Variants in NEK10 observed in about 807,000 individuals in gnomAD.
NEK10 encodes serine/threonine-protein kinase Nek10.
Under a neutral mutation model 159.8 loss-of-function variants are expected in NEK10, and 122 were observed. That is an observed-to-expected ratio of 0.76 (90% CI 0.66 to 0.89). The LOEUF is 0.89. Among genes scored for constraint, NEK10 ranks in the 40% least tolerant of loss-of-function variants. NEK10 has a pLI of 0.00. For missense variants in NEK10, 1,342 were observed against 1,323.1 expected (o/e 1.01, Z -0.22); for synonymous variants, 466 against 457.1 (o/e 1.02, Z -0.25).
At chr3:27,141,441 G>T in intron 31 of NEK10, 41 bp downstream of exon 31, 3 of 1,448,224 alleles carry the variant, frequency 2.1e-6, no homozygotes, top group Non-Finnish European at 2.9e-6. Flanking sequence ...CACCAAACTT[G>T]CATTTAAGAT....
At position 27,346,146 on chromosome 3, in the gene NEK10, C is replaced by A; in HGVS notation, c.203G>T (p.Gly68Val). Residue 68 changes from glycine (G) to valine (V), a missense_variant, in exon 4 of 36, where the codon GGA (glycine) becomes GTA (valine). Physicochemically the swap from Gly to Val is moderately radical, Grantham distance 109 (BLOSUM62 -3). Transcript: ENST00000691995. ...ATGCCACTGACCCCGAGCTCTGTGTCCACCCGCCCTGATGGCGGGCTCAGA... is the reference window on the plus strand; with the variant it reads ...ATGCCACTGACCCCGAGCTCTGTGTACACCCGCCCTGATGGCGGGCTCAGA... ...TKSEPAIRAG[G>V]HRARGQWHES... is the part of the protein sequence containing the mutation. The A allele has an allele frequency of 6.2e-7, 1 of 1,613,712 alleles. No homozygotes were observed. Among genetic ancestry groups the A allele is most frequent in the Non-Finnish European group, 8.5e-7 (1 of 1,179,668 alleles).
At chr3:27,266,865 G>T (rs2040937795) in intron 22 of NEK10, among the ~76,000 whole-genome samples, 1 of 152,206 alleles carries the variant, frequency 6.6e-6, no homozygotes, top group Non-Finnish European at 1.5e-5. Flanking sequence ...TGTGCAGGAT[G>T]CTTAGTGGTG....
intron 25 of NEK10, among the ~76,000 whole-genome samples, chr3:27,197,185 ATTTT>A (rs1949633846): frequency 1.3e-5 from 2 of 151,878 alleles, no homozygotes; most frequent in South Asian, 4.2e-4. Flanking sequence ...ATTTAAAAAA[ATTTT>A]TTTGAGATGG....
chr3:27,243,400 A>T (rs1954751078), intron 23 of NEK10, among the ~76,000 whole-genome samples: 1 of 148,264 alleles, frequency 6.7e-6, no homozygotes, highest in Non-Finnish European at 1.5e-5. Flanking sequence ...TGTTTATTTA[A>T]TTCTTTTGCC....
intron 30 of NEK10, among the ~76,000 whole-genome samples, chr3:27,145,533 T>C (rs1310509825): frequency 6.6e-6 from 1 of 152,204 alleles, no homozygotes; most frequent in Admixed American, 6.5e-5. Context: ...AGCATGACGC[T>C]AAAGAGCTAT....
intron 23 of NEK10, among the ~76,000 whole-genome samples, chr3:27,219,502 T>C (rs542732340): frequency 1.3e-5 from 2 of 152,358 alleles, no homozygotes; most frequent in Admixed American, 6.5e-5. Flanking sequence ...TTTCTGTCTT[T>C]TCTATCTCTT....
chr3:27,286,845 A>G (rs941286233), intron 20 of NEK10, among the ~76,000 whole-genome samples: 3 of 152,134 alleles, frequency 2.0e-5, no homozygotes, highest in Non-Finnish European at 2.9e-5. Context: ...TTTAATATCA[A>G]GAACAAATGG....
At position 27,108,435 on chromosome 3, in the gene NEK10, A is replaced by C. The variant is rs1939201533; in HGVS notation, c.*2837T>G. 6.6e-6 allele frequency among the ~76,000 whole-genome samples: 1 copy of C among 152,228 alleles called. No homozygotes were observed. The highest frequency in any genetic ancestry group is 1.5e-5 in the Non-Finnish European group (1 of 68,032). ...GCAGTCACTTCCCTGAGAATGAAACATTTTGCTTTTAAAAAGCAAATTAAG... is the reference window on the plus strand; with the variant it reads ...GCAGTCACTTCCCTGAGAATGAAACCTTTTGCTTTTAAAAAGCAAATTAAG... On this transcript the variant is annotated 3_prime_UTR_variant, in exon 36 of 36. Transcript: ENST00000691995.
Position 27,352,830 on chromosome 3 carries a change from T to C in NEK10, c.53A>G (p.Gln18Arg), listed in dbSNP as rs757976633. ...VKTTEKSTDKQQEITIRDYSD... is the reference protein window; with the variant it reads ...VKTTEKSTDKRQEITIRDYSD... ...GAGTTACCTGATGGTGATTTCTTGC[T>C]GTTTATCAGTTGATTTTTCTGTGGT... The change falls in exon 2 of 36, where the codon CAG (glutamine) becomes CGG (arginine). Residue 18 changes from glutamine to arginine, a missense_variant. Transcript: ENST00000691995. The C allele has an allele frequency of 7.5e-6, 12 of 1,610,110 alleles. No individual in the cohort carries two copies. The Middle Eastern group carries it at 1.5e-3, about 200-fold the overall frequency.
chr3:27,159,938 C>T (rs186393634), intron 30 of NEK10, among the ~76,000 whole-genome samples: 1 of 150,846 alleles, frequency 6.6e-6, no homozygotes, highest in Admixed American at 6.7e-5. Context: ...AGATATATTC[C>T]TGGGGAAATG....
At chr3:27,222,692 G>A (rs982893271) in intron 23 of NEK10, among the ~76,000 whole-genome samples, 16 of 152,004 alleles carry the variant, frequency 1.1e-4, no homozygotes, top group Admixed American at 6.6e-5. Flanking sequence ...TAAGCAGAGA[G>A]CTATAAAAAT....
chr3:27,337,680 C>T (rs1248574127), intron 5 of NEK10, among the ~76,000 whole-genome samples: 1 of 152,046 alleles, frequency 6.6e-6, no homozygotes, highest in East Asian at 1.9e-4. Context: ...AACAAAGGCA[C>T]CAAGAATATT....
intron 29 of NEK10, among the ~76,000 whole-genome samples, chr3:27,169,007 A>G (rs1253378026): frequency 2.0e-5 from 3 of 152,196 alleles, no homozygotes. Flanking sequence ...GATATAGACC[A>G]TATGGGGTTT....
chr3:27,151,502 A>G (rs1018212688), intron 30 of NEK10, among the ~76,000 whole-genome samples: 1 of 152,176 alleles, frequency 6.6e-6, no homozygotes, highest in Non-Finnish European at 1.5e-5. Context: ...AAGAATCTCA[A>G]CAACAGCCTT....
intron 30 of NEK10, among the ~76,000 whole-genome samples, chr3:27,146,786 G>A (rs996718075): frequency 2.0e-5 from 3 of 152,156 alleles, no homozygotes; most frequent in Admixed American, 6.5e-5. Flanking sequence ...CGATAGCACA[G>A]GAAATGTATT....
chr3:27,226,166 G>C (rs1952618426), intron 23 of NEK10, among the ~76,000 whole-genome samples: 1 of 151,224 alleles, frequency 6.6e-6, no homozygotes, highest in Non-Finnish European at 1.5e-5. Context: ...GGAGTAGCTA[G>C]GACTACAGGC....
intron 35 of NEK10, among the ~76,000 whole-genome samples, chr3:27,114,705 G>T (rs1026904271): frequency 6.6e-6 from 1 of 152,134 alleles, no homozygotes; most frequent in African/African-American, 2.4e-5. Context: ...AATTTAAATA[G>T]TGGTCACAAA....
chr3:27,130,203 G>A (rs1381299335), intron 32 of NEK10, among the ~76,000 whole-genome samples: 2 of 152,152 alleles, frequency 1.3e-5, no homozygotes, highest in Non-Finnish European at 2.9e-5. Context: ...AGAGAACCAT[G>A]GCAGTCTTTA....
rs2042467671 is a variant in NEK10 at position 27,284,965 on chromosome 3, T to C, written c.1790-4A>G. 5.7e-6 allele frequency: 9 copies of C among 1,579,096 alleles called. No individual in the cohort carries two copies. The highest frequency in any genetic ancestry group is 1.4e-5 in the African/African-American group (1 of 72,888). ...ATAACTATGTACAACCTATCATCTA[T>C]ATAAATATCACAAAAGGTCACAGAA... On this transcript the variant is annotated splice_region_variant and splice_polypyrimidine_tract_variant and intron_variant, in intron 20 of 35. Transcript: ENST00000691995.
Sources: allele counts gnomAD v4.1 joint callset (sites outside exome capture counted in the v4.1 genomes callset), GRCh38; gene constraint gnomAD v4.1.1; transcripts MANE v1.5; gene names NCBI Gene and HGNC (gene_info 2026-07-23, HGNC 2026-07-21).